LPAR1: variants seen among roughly 807,000 people sequenced by gnomAD.
LPAR1 encodes LPA receptor 1.
A neutral mutation model predicts 23.8 loss-of-function variants in LPAR1; 5 were observed. The observed-to-expected ratio is 0.21, with a 90% CI of 0.11 to 0.44. The LOEUF (loss-of-function observed/expected upper bound fraction) is 0.44, where lower values mean the gene tolerates loss of function less well. LPAR1 is among the 20% of genes least tolerant of loss of function. The pLI, the probability that LPAR1 is intolerant of heterozygous loss-of-function variation, is 0.99. For synonymous variants in LPAR1, 160 were observed against 164.7 expected (o/e 0.97, Z 0.22); for missense variants, 311 against 482.8 (o/e 0.64, Z 3.33).
chr9:110,941,507 G>A lies in LPAR1; in HGVS notation c.707C>T (p.Thr236Ile), dbSNP rs1422127918. 1 of 1,614,050 alleles carries A rather than the reference G, an allele frequency of 6.2e-7. No homozygotes were observed. Among genetic ancestry groups the A allele is most frequent in the Non-Finnish European group, 8.5e-7 (1 of 1,179,962 alleles). Residue 236 changes from threonine (T) to isoleucine (I), a missense_variant, in exon 5 of 6, where the codon ACT becomes ATT. Coordinates refer to ENST00000683809, the MANE Select transcript of LPAR1 (RefSeq NM_001351411.2). This position sits in a 1 kb window ranked among gnomAD's most constrained non-coding sequence, Gnocchi z 6.1. ...AGAACTATGCCGAGACATTCTCATAGTCCTCTGGCGAACATAGCCAAAGAT... is the reference window on the plus strand; with the variant it reads ...AGAACTATGCCGAGACATTCTCATAATCCTCTGGCGAACATAGCCAAAGAT... ...AHIFGYVRQR[T>I]MRMSRHSSGP... is the part of the protein sequence containing the mutation.
intron 4 of LPAR1, among the ~76,000 whole-genome samples, chr9:110,971,659 C>T (rs1195724741): frequency 1.3e-5 from 2 of 152,114 alleles, no homozygotes; most frequent in Non-Finnish European, 2.9e-5. Context: ...AGGAGGACAA[C>T]AAGACAGCCC....
chr9:110,936,322 A>T (rs2094704103), intron 5 of LPAR1, among the ~76,000 whole-genome samples: 1 of 152,230 alleles, frequency 6.6e-6, no homozygotes, highest in South Asian at 2.1e-4. Flanking sequence ...ATCTTTCATC[A>T]GAGTGAATAA....
At chr9:111,032,185 A>C (rs1484252770) in intron 2 of LPAR1, among the ~76,000 whole-genome samples, 1 of 152,204 alleles carries the variant, frequency 6.6e-6, no homozygotes, top group Non-Finnish European at 1.5e-5. Flanking sequence ...TTCCAGATGT[A>C]AAAAGAGAGG....
At chr9:111,022,921 C>T (rs7847276) in intron 2 of LPAR1, among the ~76,000 whole-genome samples, 2,939 of 151,884 alleles carry the variant, frequency 0.019, 85 homozygotes, top group African/African-American at 0.067. Context: ...GGCATGGTGG[C>T]GGGTGCCTGT....
chr9:110,957,599 G>A (rs1021914506), intron 4 of LPAR1, among the ~76,000 whole-genome samples: 4 of 152,034 alleles, frequency 2.6e-5, no homozygotes, highest in South Asian at 4.2e-4. Flanking sequence ...ACCTAATAAA[G>A]CCTATATATG....
intron 2 of LPAR1, among the ~76,000 whole-genome samples, chr9:110,995,192 T>G (rs73657221): frequency 6.6e-6 from 1 of 152,142 alleles, no homozygotes; most frequent in Non-Finnish European, 1.5e-5. Context: ...CTTCCAGATG[T>G]TGTTTGGCCC....
At chr9:110,962,189 T>A (rs957905920) in intron 4 of LPAR1, among the ~76,000 whole-genome samples, 1 of 152,170 alleles carries the variant, frequency 6.6e-6, no homozygotes, top group East Asian at 1.9e-4. Flanking sequence ...AAGTGGGATC[T>A]ACATCTGACC....
chr9:110,932,232 G>A (rs577740418), intron 5 of LPAR1, among the ~76,000 whole-genome samples: 3 of 152,166 alleles, frequency 2.0e-5, no homozygotes, highest in Non-Finnish European at 1.5e-5. Flanking sequence ...AATATCTAGA[G>A]TGCCAGGACC....
chr9:110,884,508 A>G (rs1344448604), intron 5 of LPAR1, among the ~76,000 whole-genome samples: 1 of 152,216 alleles, frequency 6.6e-6, no homozygotes. Context: ...GCACATAGTA[A>G]GTGCTCTATA....
At chr9:110,924,671 A>G (rs932531893) in intron 5 of LPAR1, among the ~76,000 whole-genome samples, 1 of 143,036 alleles carries the variant, frequency 7.0e-6, no homozygotes, top group South Asian at 2.1e-4. Flanking sequence ...TATCTCTTAG[A>G]AAAAAAAAAA....
intron 5 of LPAR1, among the ~76,000 whole-genome samples, chr9:110,925,092 A>T (rs1308589569): frequency 1.3e-5 from 2 of 152,148 alleles, no homozygotes; most frequent in African/African-American, 4.8e-5. Context: ...CCCATCACAC[A>T]ACAGGCAATA....
At chr9:110,997,953 AC>A (rs2065305630) in intron 2 of LPAR1, among the ~76,000 whole-genome samples, 1 of 152,230 alleles carries the variant, frequency 6.6e-6, no homozygotes, top group Non-Finnish European at 1.5e-5. Context: ...CTACTGCATT[AC>A]ACCAGTGGTT....
chr9:110,985,451 C>T (rs577500674), intron 2 of LPAR1, among the ~76,000 whole-genome samples: 3 of 152,186 alleles, frequency 2.0e-5, no homozygotes, highest in South Asian at 4.1e-4. Context: ...ACAGAGCTAA[C>T]GCATTCCAAG....
chr9:110,884,806 G>A (rs1015442581), intron 5 of LPAR1, among the ~76,000 whole-genome samples: 1 of 152,118 alleles, frequency 6.6e-6, no homozygotes, highest in Non-Finnish European at 1.5e-5. Context: ...TCTTTCCATT[G>A]TTTCTGTTCA....
intron 2 of LPAR1, among the ~76,000 whole-genome samples, chr9:110,990,336 A>G (rs1231179942): frequency 1.3e-5 from 2 of 152,158 alleles, no homozygotes; most frequent in Non-Finnish European, 2.9e-5. Flanking sequence ...AATATAGACC[A>G]TATTCTGGGC....
intron 5 of LPAR1, among the ~76,000 whole-genome samples, chr9:110,929,827 T>C (rs1162049272): frequency 6.6e-6 from 1 of 152,162 alleles, no homozygotes; most frequent in Non-Finnish European, 1.5e-5. Context: ...AGTATAAGTA[T>C]ATCCCATGCA....
intron 2 of LPAR1, among the ~76,000 whole-genome samples, chr9:110,987,693 G>C (rs901016894): frequency 2.1e-5 from 3 of 145,944 alleles, no homozygotes; most frequent in African/African-American, 7.8e-5. Context: ...TATATATAAA[G>C]TTGGCCCTCC....
At chr9:110,961,617 C>CAAAAAAAAAAAAAAA (rs57773067) in intron 4 of LPAR1, among the ~76,000 whole-genome samples, 7 of 79,842 alleles carry the variant, frequency 8.8e-5, no homozygotes, top group African/African-American at 1.8e-4. Flanking sequence ...GAGACTATCT[C>CAAAAAAAAAAAAAAA]AAAAAAAAAA....
chr9:110,934,224 C>A (rs566604315), intron 5 of LPAR1, among the ~76,000 whole-genome samples: 2 of 152,332 alleles, frequency 1.3e-5, no homozygotes, highest in Non-Finnish European at 2.9e-5. Context: ...ATAAGAGACT[C>A]TGTGTCCATT....
Sources: allele counts gnomAD v4.1 joint callset (sites outside exome capture counted in the v4.1 genomes callset), GRCh38; gene constraint gnomAD v4.1.1; non-coding constraint Gnocchi (gnomAD v3.1); transcripts MANE v1.5; gene names NCBI Gene and HGNC (gene_info 2026-07-23, HGNC 2026-07-21).